Variants in PSMG2 observed in about 807,000 individuals in gnomAD.
PSMG2 encodes proteasome assembly chaperone 2.
Under a neutral mutation model 31.5 loss-of-function variants are expected in PSMG2, and 21 were observed. That is an observed-to-expected ratio of 0.67 (90% CI 0.47 to 0.96). The LOEUF (loss-of-function observed/expected upper bound fraction) is 0.96, where lower values mean the gene tolerates loss of function less well. Among genes scored for constraint, PSMG2 ranks in the 40% least tolerant of loss-of-function variants. The pLI is 0.00. For missense variants in PSMG2, 318 were observed against 321.2 expected (o/e 0.99, Z 0.08); for synonymous variants, 120 against 110.4 (o/e 1.09, Z -0.54).
At chr18:12,703,970 A>T (rs1337381495) in intron 1 of PSMG2, among the ~76,000 whole-genome samples, 1 of 152,186 alleles carries the variant, frequency 6.6e-6, no homozygotes, top group Non-Finnish European at 1.5e-5. Context: ...AGGCCCTGTG[A>T]ACCCAGAAGG....
At chr18:12,715,016 C>CT (rs895971451) in intron 3 of PSMG2, among the ~76,000 whole-genome samples, 10 of 149,048 alleles carry the variant, frequency 6.7e-5, no homozygotes, top group Middle Eastern at 3.3e-3. Flanking sequence ...GCCCGGCCCT[C>CT]TTTTTTTTTG....
At chr18:12,691,185 G>T in intron 1 of PSMG2, 1 of 441,332 alleles carries the variant, frequency 2.3e-6, no homozygotes, top group Non-Finnish European at 3.9e-6. Context: ...GACATAGATT[G>T]ATCTTGCCAC....
intron 1 of PSMG2, among the ~76,000 whole-genome samples, chr18:12,665,301 C>A (rs2038781584): frequency 6.6e-6 from 1 of 152,130 alleles, no homozygotes; most frequent in African/African-American, 2.4e-5. Context: ...GTGGTATGTG[C>A]CTGTGGTCCC....
At chr18:12,712,286 G>GT (rs778967154) in intron 2 of PSMG2, among the ~76,000 whole-genome samples, 1 of 152,016 alleles carries the variant, frequency 6.6e-6, no homozygotes, top group Non-Finnish European at 1.5e-5. Context: ...ACCTTTTACT[G>GT]TTTTTTCTGT....
chr18:12,660,672 G>A (rs577288953), intron 1 of PSMG2, among the ~76,000 whole-genome samples: 17 of 151,916 alleles, frequency 1.1e-4, no homozygotes, highest in African/African-American at 4.1e-4. Context: ...TTCCTTGAGT[G>A]ATGATTTTTT....
In PSMG2 at chr18:12,666,894, T is replaced by C. The variant is rs551812100; in HGVS notation, c.-37+8121T>C. Among the ~76,000 whole-genome samples the C allele has an allele frequency of 5.9e-5, 9 of 152,312 alleles. No individual in the cohort carries two copies. The South Asian group carries it at 8.3e-4, about 14-fold the overall frequency. The stretch of plus-strand genomic sequence containing the variant: ...ACATCTTTAATCCAAACATCAGTTT[T>C]ATTAATATATTGACAAAAAAAGTAA... On this transcript the variant is annotated intron_variant, in intron 1 of 6. Coordinates refer to the PSMG2 transcript ENST00000585331.
intron 5 of PSMG2, among the ~76,000 whole-genome samples, chr18:12,722,639 C>A (rs999140622): frequency 2.6e-5 from 4 of 152,204 alleles, no homozygotes; most frequent in African/African-American, 9.6e-5. Flanking sequence ...ATCAAACATT[C>A]AGGAAATGCG....
chr18:12,704,340 C>CT (rs2040239114), intron 1 of PSMG2, among the ~76,000 whole-genome samples: 1 of 152,100 alleles, frequency 6.6e-6, no homozygotes. Context: ...AATCCCAGCA[C>CT]TTTAGAAGGC....
intron 4 of PSMG2, among the ~76,000 whole-genome samples, chr18:12,719,372 T>G (rs977099264): frequency 1.8e-4 from 28 of 152,184 alleles, no homozygotes; most frequent in Admixed American, 1.6e-3. Flanking sequence ...AATACTCTTA[T>G]ACTCTAAGAT....
At position 12,706,671 on chromosome 18, in the gene PSMG2, C is replaced by CAT; in HGVS notation, c.182_183dup (p.Ala62MetfsTer13). 4 of 1,612,134 alleles carry CAT rather than the reference C, an allele frequency of 2.5e-6. No homozygotes were observed. Among genetic ancestry groups the CAT allele is most frequent in the Non-Finnish European group, 3.4e-6 (4 of 1,178,504 alleles). ...CTTGTGCCAATGGTTGGAAACAATC[C>CAT]ATATGCGACCACAGAAGGAAATTCA... On this transcript the variant is annotated frameshift_variant, in exon 2 of 7. Coordinates refer to ENST00000317615, the MANE Select transcript of PSMG2 (RefSeq NM_020232.5). LOFTEE classifies it high-confidence loss of function.
At chr18:12,661,697 C>G (rs985315754) in intron 1 of PSMG2, 1 of 152,472 alleles carries the variant, frequency 6.6e-6, no homozygotes, top group East Asian at 1.9e-4. Context: ...ATCGCTTGAA[C>G]CCAGGAAGTG....
chr18:12,692,317 A>G (rs1171636409), intron 1 of PSMG2: 1 of 148,596 alleles, frequency 6.7e-6, no homozygotes, highest in Non-Finnish European at 1.5e-5. Context: ...CTCTATCTCA[A>G]AAAAAAAAAA....
intron 1 of PSMG2, chr18:12,658,922 C>T (rs895651158): frequency 7.9e-6 from 2 of 253,356 alleles, no homozygotes; most frequent in African/African-American, 2.3e-5. Context: ...TTGGTCCCTT[C>T]CCTCACTAAG....
At chr18:12,716,104 T>G (rs1334309237) in intron 3 of PSMG2, among the ~76,000 whole-genome samples, 1 of 152,172 alleles carries the variant, frequency 6.6e-6, no homozygotes, top group Admixed American at 6.5e-5. Flanking sequence ...CTCTGTGGTG[T>G]TAAGTTGTAT....
chr18:12,702,595 C>G (rs759562685), upstream of PSMG2: 1 of 1,578,098 alleles, frequency 6.3e-7, no homozygotes, highest in South Asian at 1.1e-5. Context: ...CTCAGATGCC[C>G]TAACTGCGCG....
chr18:12,679,529 T>A (rs751878353), intron 1 of PSMG2, among the ~76,000 whole-genome samples: 2 of 152,174 alleles, frequency 1.3e-5, no homozygotes, highest in Non-Finnish European at 2.9e-5. Flanking sequence ...CCCTTCAAAT[T>A]GCCTGCGAGC....
intron 3 of PSMG2, among the ~76,000 whole-genome samples, chr18:12,714,084 T>C (rs894623740): frequency 6.6e-6 from 1 of 152,220 alleles, no homozygotes; most frequent in East Asian, 1.9e-4. Context: ...TTTCTTTAAC[T>C]CTTTGAGGAT....
At chr18:12,659,202 C>T (rs1375625583) in intron 1 of PSMG2, among the ~76,000 whole-genome samples, 2 of 152,122 alleles carry the variant, frequency 1.3e-5, no homozygotes, top group African/African-American at 4.8e-5. Flanking sequence ...AAACCTTTTA[C>T]GGCAGTTTTA....
intron 3 of PSMG2, among the ~76,000 whole-genome samples, chr18:12,717,419 AT>A (rs1765460533): frequency 6.6e-6 from 1 of 152,188 alleles, no homozygotes; most frequent in Admixed American, 6.5e-5. Context: ...CACATTCCAG[AT>A]TTACCAGCTG....
Sources: gnomAD v4.1 joint callset for allele counts (sites outside exome capture counted in the v4.1 genomes callset) on GRCh38, gnomAD v4.1.1 for gene constraint, MANE v1.5 for transcripts, NCBI Gene and HGNC (gene_info 2026-07-23, HGNC 2026-07-21) for gene names.